USP7: variants seen among roughly 807,000 people sequenced by gnomAD.
USP7 encodes the protein ubiquitin C-terminal hydrolase 7.
USP7 carries 9 observed loss-of-function variants against 162.9 expected under a neutral mutation model. That is an observed-to-expected ratio of 0.06 (90% CI 0.03 to 0.10). USP7 has a LOEUF of 0.10. Among genes scored for constraint, USP7 ranks in the 10% least tolerant of loss-of-function variants. USP7 has a pLI of 1.00. For synonymous variants in USP7, 562 were observed against 475.9 expected, an observed-to-expected ratio of 1.18 and a Z score of -2.35; for missense variants, 715 against 1,373.7, an observed-to-expected ratio of 0.52 and a Z score of 7.58.
intron 1 of USP7, among the ~76,000 whole-genome samples, chr16:8,954,544 T>C (rs1222535514): frequency 1.3e-5 from 2 of 152,230 alleles, no homozygotes; most frequent in Non-Finnish European, 2.9e-5. Context: ...CACAATCTAT[T>C]TTTTGCAATG....
chr16:8,942,569 A>G (rs1458955993), intron 1 of USP7, among the ~76,000 whole-genome samples: 1 of 152,116 alleles, frequency 6.6e-6, no homozygotes, highest in Non-Finnish European at 1.5e-5. Context: ...TATTTTTGAG[A>G]CAGGGTCTCG....
chr16:8,940,442 A>C (rs1255310076), intron 1 of USP7, among the ~76,000 whole-genome samples: 5 of 152,134 alleles, frequency 3.3e-5, no homozygotes, highest in African/African-American at 1.2e-4. Context: ...GTGTACTAGG[A>C]ATGTCCAAGA....
intron 1 of USP7, among the ~76,000 whole-genome samples, chr16:8,941,141 T>C (rs1367457829): frequency 1.3e-5 from 2 of 152,088 alleles, no homozygotes; most frequent in Admixed American, 6.5e-5. Flanking sequence ...CCCATGCCCA[T>C]GAGGACCCCC....
intron 27 of USP7, 148 bp from the exon 28 acceptor site, chr16:8,895,298 G>A: frequency 7.9e-7 from 1 of 1,261,174 alleles, no homozygotes; most frequent in Non-Finnish European, 1.1e-6. Context: ...CAGAGTGATG[G>A]GCACTCATGG....
At chr16:8,962,054 C>A (rs1456295154) in intron 1 of USP7, among the ~76,000 whole-genome samples, 1 of 152,200 alleles carries the variant, frequency 6.6e-6, no homozygotes, top group African/African-American at 2.4e-5. Flanking sequence ...GAGGTGAACA[C>A]CAGTCACGCT....
Position 8,902,136 on chromosome 16 carries a change from C to A in USP7, c.1993G>T (p.Val665Phe). 2 of 1,614,234 alleles carry A rather than the reference C, an allele frequency of 1.2e-6. No individual in the cohort carries two copies. Among genetic ancestry groups the A allele is most frequent in the South Asian group, 1.1e-5 (1 of 91,082 alleles). The change falls in exon 18 of 31, where the codon GTT (valine) becomes TTT (phenylalanine). Residue 665 changes from valine (V) to phenylalanine (F), a missense_variant. Physicochemically the swap from Val to Phe is conservative, Grantham distance 50. This residue lies in a region of USP7 where 197 missense variants were observed against 306.5 expected (regional missense o/e 0.64). Coordinates refer to ENST00000344836, the MANE Select transcript of USP7 (RefSeq NM_003470.3). Reference sequence around the variant, plus strand: ...CCACTAGCAGCCAGCTCGGGATCAACTGTTTCCAGGAATATTGTCCAAGGG... The same window carrying A: ...CCACTAGCAGCCAGCTCGGGATCAAATGTTTCCAGGAATATTGTCCAAGGG... ...ENPWTIFLETVDPELAASGAT... is the reference protein window; with the variant it reads ...ENPWTIFLETFDPELAASGAT...
chr16:8,932,071 A>G (rs769490424), intron 1 of USP7, among the ~76,000 whole-genome samples: 7 of 152,164 alleles, frequency 4.6e-5, no homozygotes, highest in Non-Finnish European at 8.8e-5. Context: ...TCCCCCTCCA[A>G]GAACTCTCCA....
chr16:8,952,948 T>C (rs1357180540), intron 1 of USP7, among the ~76,000 whole-genome samples: 1 of 152,054 alleles, frequency 6.6e-6, no homozygotes, highest in Admixed American at 6.6e-5. Context: ...GCGATTCTCC[T>C]GCCTCGGCCT....
At chr16:8,960,832 G>A (rs1296845350) in intron 1 of USP7, among the ~76,000 whole-genome samples, 1 of 152,226 alleles carries the variant, frequency 6.6e-6, no homozygotes, top group Non-Finnish European at 1.5e-5. Flanking sequence ...GGCTGAAATA[G>A]ATGGCCTAAG....
intron 27 of USP7, 86 bp downstream of exon 27, chr16:8,895,556 C>T (rs1353751300): frequency 8.8e-7 from 1 of 1,130,508 alleles, no homozygotes; most frequent in Admixed American, 2.0e-5. Flanking sequence ...AATCAAGCTA[C>T]TTGTACAACT....
intron 27 of USP7, 111 bp from the exon 28 acceptor site, chr16:8,895,261 T>TA (rs112772703): frequency 0.011 from 16,482 of 1,525,744 alleles, 292 homozygotes; most frequent in East Asian, 0.075. Flanking sequence ...CTATTTTTGC[T>TA]AAAAAAACGC....
chr16:8,930,866 G>C (rs937421075), intron 1 of USP7, among the ~76,000 whole-genome samples: 1 of 152,034 alleles, frequency 6.6e-6, no homozygotes, highest in African/African-American at 2.4e-5. Flanking sequence ...CTATTTGGCA[G>C]GCTGAGGAAT....
intron 10 of USP7, among the ~76,000 whole-genome samples, chr16:8,913,544 C>A (rs143105472): frequency 0.011 from 1,612 of 152,100 alleles, 9 homozygotes; most frequent in Non-Finnish European, 0.017. Flanking sequence ...AACCTGCCAA[C>A]CTAGAAGTCT....
intron 1 of USP7, chr16:8,936,511 C>A (rs559765639): frequency 3.5e-6 from 5 of 1,415,690 alleles, no homozygotes; most frequent in Admixed American, 2.9e-5. Context: ...AGAAGTTTGG[C>A]TGAGACATGT....
rs774609995 is a variant in USP7 at position 8,894,874 on chromosome 16, T to G, written c.3040-19A>C. On this transcript the variant is annotated intron_variant, in intron 28 of 30. Coordinates refer to ENST00000344836, the MANE Select transcript of USP7 (RefSeq NM_003470.3). ...GCTCGCCCTAGAATGGCAAAGGACA[T>G]GTGCTCACACAGTCACTCCCAGCAC... is the stretch of plus-strand genomic sequence containing the variant. 6.2e-7 allele frequency: 1 copy of G among 1,614,180 alleles called. No homozygotes were observed. The highest frequency in any genetic ancestry group is 1.1e-5 in the South Asian group (1 of 91,090).
rs530407662 is a variant in USP7, at chr16:8,903,410, T to A, written c.1705-8A>T. The A allele has an allele frequency of 1.2e-5, 20 of 1,612,324 alleles. No individual in the cohort carries two copies. In the African/African-American group the frequency reaches 2.0e-4, roughly 16 times the overall value. On this transcript the variant is annotated splice_region_variant and splice_polypyrimidine_tract_variant and intron_variant, in intron 15 of 30. Transcript: ENST00000344836. ...CTGGTCCTCTGCGACTATCTGAAAA[T>A]ATGTATGAAAGCACAGAAAAGACTT...
intron 1 of USP7, among the ~76,000 whole-genome samples, chr16:8,947,356 A>AACAC (rs145949182): frequency 7.4e-5 from 11 of 149,242 alleles, no homozygotes; most frequent in African/African-American, 1.7e-4. Context: ...TCCCCCCCCC[A>AACAC]ACACACACAC....
chr16:8,897,115 A>G lies in USP7; in HGVS notation c.2719-16T>C, dbSNP rs761215552. The G allele has an allele frequency of 6.3e-7, 1 of 1,584,236 alleles. No individual in the cohort carries two copies. The highest frequency in any genetic ancestry group is 1.1e-5 in the South Asian group (1 of 89,910). On this transcript the variant is annotated splice_polypyrimidine_tract_variant and intron_variant, in intron 25 of 30. Transcript: ENST00000344836. ...GTGTTATTTCCTAAGTAATGAAAAG[A>G]TAAAATAAGTGCTTTCAAGAAAGCA...
At chr16:8,903,430 A>T in intron 15 of USP7, 28 bp from the exon 16 acceptor site, 1 of 1,605,172 alleles carries the variant, frequency 6.2e-7, no homozygotes, top group Non-Finnish European at 8.5e-7. Flanking sequence ...AGCACAGAAA[A>T]GACTTGACAA....
Sources: allele counts gnomAD v4.1 joint callset (sites outside exome capture counted in the v4.1 genomes callset), GRCh38; gene constraint gnomAD v4.1.1; regional missense constraint gnomAD v4.1.1; transcripts MANE v1.5; gene names NCBI Gene and HGNC (gene_info 2026-07-23, HGNC 2026-07-21).